DLG2: variants seen among roughly 807,000 people sequenced by gnomAD.
The protein encoded by DLG2 is disks large homolog 2.
DLG2 carries 45 observed loss-of-function variants against 132.5 expected under a neutral mutation model. That is an observed-to-expected ratio of 0.34 (90% CI 0.27 to 0.44). The LOEUF (loss-of-function observed/expected upper bound fraction) is 0.44. Among genes scored for constraint, DLG2 ranks in the 20% least tolerant of loss-of-function variants. DLG2 has a pLI of 1.00. For missense variants in DLG2, 1,045 were observed against 1,196.9 expected (o/e 0.87, Z 1.87); for synonymous variants, 424 against 419.6 (o/e 1.01, Z -0.13).
At chr11:84,746,969 G>A (rs990557098) in intron 6 of DLG2, among the ~76,000 whole-genome samples, 3 of 152,146 alleles carry the variant, frequency 2.0e-5, no homozygotes, top group African/African-American at 7.2e-5. Context: ...AGAACCCCAT[G>A]GAAATTCTTC....
chr11:85,625,016 A>C (rs1212283112), intron 2 of DLG2: 1 of 152,196 alleles, frequency 6.6e-6, no homozygotes, highest in East Asian at 1.9e-4. Context: ...GGGGTTTAGA[A>C]ACATTAAGTT....
intron 6 of DLG2, among the ~76,000 whole-genome samples, chr11:84,698,345 T>C (rs1185304423): frequency 6.6e-6 from 1 of 151,538 alleles, no homozygotes; most frequent in Admixed American, 6.6e-5. Context: ...CAAGTATTAG[T>C]TCATTTCCTT....
chr11:84,996,786 A>T (rs1443755899), intron 6 of DLG2, among the ~76,000 whole-genome samples: 2 of 152,216 alleles, frequency 1.3e-5, no homozygotes, highest in Non-Finnish European at 2.9e-5. Context: ...CAGGATGAGC[A>T]CATTTCCAAA....
chr11:85,382,584 G>C (rs1312393761), intron 3 of DLG2, among the ~76,000 whole-genome samples: 5 of 151,932 alleles, frequency 3.3e-5, no homozygotes, highest in Admixed American at 3.3e-4. Flanking sequence ...AATAACATTT[G>C]CAAGTCATTT....
At chr11:85,133,741 C>T (rs1402928272) in intron 5 of DLG2, among the ~76,000 whole-genome samples, 2 of 152,078 alleles carry the variant, frequency 1.3e-5, no homozygotes, top group African/African-American at 4.8e-5. Flanking sequence ...CTTTTCCCTC[C>T]TCACTTGCTG....
chr11:85,506,788 C>A (rs941753433), intron 3 of DLG2, among the ~76,000 whole-genome samples: 6 of 152,028 alleles, frequency 3.9e-5, no homozygotes, highest in Admixed American at 6.6e-5. Flanking sequence ...CTTTCTGTCT[C>A]GTTGATCTGT....
In DLG2 at chr11:84,524,445, A is replaced by G. The variant is rs548282331; in HGVS notation, c.519+10125T>C. Among the ~76,000 whole-genome samples, 3 of 152,344 alleles carry G rather than the reference A, an allele frequency of 2.0e-5. No individual in the cohort carries two copies. The South Asian group carries it at 6.2e-4, about 32-fold the overall frequency. ...TTCGATCAGGAGATTTTGTGCCTAC[A>G]TTCAGAATGCGTCTGTCAAGGCCAT... On this transcript the variant is annotated intron_variant, in intron 7 of 27. Coordinates refer to ENST00000376104, the MANE Select transcript of DLG2 (RefSeq NM_001142699.3).
At chr11:85,597,882 T>G (rs2079883247) in intron 3 of DLG2, among the ~76,000 whole-genome samples, 1 of 150,664 alleles carries the variant, frequency 6.6e-6, no homozygotes, top group South Asian at 2.1e-4. Flanking sequence ...GGTTTTTCAT[T>G]GTTTAGTTAG....
chr11:83,775,153 C>T (rs893557246), intron 18 of DLG2, among the ~76,000 whole-genome samples: 2 of 152,224 alleles, frequency 1.3e-5, no homozygotes, highest in African/African-American at 4.8e-5. Context: ...TCCAACTCCA[C>T]CAGCATGAAC....
chr11:85,580,855 G>A (rs2078467110), intron 3 of DLG2, among the ~76,000 whole-genome samples: 1 of 152,200 alleles, frequency 6.6e-6, no homozygotes, highest in Non-Finnish European at 1.5e-5. Context: ...TATTCTTTGA[G>A]TAAATAAGGA....
intron 10 of DLG2, among the ~76,000 whole-genome samples, chr11:84,089,023 A>G (rs978808600): frequency 1.3e-5 from 2 of 152,194 alleles, no homozygotes; most frequent in Admixed American, 6.5e-5. Context: ...TAGTGCAACA[A>G]TCAGTTGGGG....
chr11:85,488,156 T>C (rs1261511603), intron 3 of DLG2, among the ~76,000 whole-genome samples: 1 of 152,164 alleles, frequency 6.6e-6, no homozygotes, highest in Non-Finnish European at 1.5e-5. Context: ...TTTGGGAGGC[T>C]GAAGTGGGCG....
chr11:83,819,894 C>A (rs1156640131), intron 17 of DLG2, among the ~76,000 whole-genome samples: 1 of 152,074 alleles, frequency 6.6e-6, no homozygotes, highest in Non-Finnish European at 1.5e-5. Flanking sequence ...ATCAGAGCTC[C>A]CAGCTGATTC....
intron 7 of DLG2, among the ~76,000 whole-genome samples, chr11:84,506,372 GC>G (rs2099241098): frequency 1.3e-5 from 2 of 151,760 alleles, no homozygotes; most frequent in South Asian, 4.2e-4. Context: ...ACCGCGCCCG[GC>G]CCTCAGTTCT....
chr11:84,472,953 A>C (rs910661980), intron 7 of DLG2, among the ~76,000 whole-genome samples: 3 of 152,100 alleles, frequency 2.0e-5, no homozygotes, highest in Admixed American at 1.3e-4. Flanking sequence ...AATAAACGTT[A>C]CAACATGTAA....
At chr11:85,060,113 G>T (rs144697091) in intron 6 of DLG2, among the ~76,000 whole-genome samples, 25 of 151,314 alleles carry the variant, frequency 1.7e-4, no homozygotes, top group African/African-American at 5.3e-4. Flanking sequence ...TCTCTCTCCA[G>T]CCCCTGGCAA....
chr11:85,048,053 TA>T (rs1177168289), intron 6 of DLG2, among the ~76,000 whole-genome samples: 1 of 152,000 alleles, frequency 6.6e-6, no homozygotes, highest in East Asian at 1.9e-4. Flanking sequence ...TTTATTTTAC[TA>T]AAGATAATTT....
chr11:84,717,765 G>A (rs910335831), intron 6 of DLG2, among the ~76,000 whole-genome samples: 18 of 152,132 alleles, frequency 1.2e-4, no homozygotes, highest in African/African-American at 4.3e-4. Flanking sequence ...GTGAAGCTAT[G>A]AAAATAATTA....
chr11:84,835,797 A>C (rs1216186687), intron 6 of DLG2, among the ~76,000 whole-genome samples: 2 of 151,794 alleles, frequency 1.3e-5, no homozygotes, highest in African/African-American at 4.8e-5. Context: ...TATTTAATCA[A>C]TGAATATAGA....
Sources: allele counts gnomAD v4.1 joint callset (sites outside exome capture counted in the v4.1 genomes callset), GRCh38; gene constraint gnomAD v4.1.1; transcripts MANE v1.5; gene names NCBI Gene and HGNC (gene_info 2026-07-23, HGNC 2026-07-21).